The following GET1 variants were observed in gnomAD, a reference collection of about 807,000 sequenced individuals.
GET1 encodes guided entry of tail-anchored proteins factor 1, also known as congenital heart disease 5 protein.
A neutral mutation model predicts 22.6 loss-of-function variants in GET1; 20 were observed. The observed-to-expected ratio is 0.89, with a 90% CI of 0.62 to 1.29. The LOEUF is 1.29. Among genes scored for constraint, GET1 ranks in the 50% most tolerant of loss-of-function variants. The pLI, the probability that GET1 is intolerant of heterozygous loss-of-function variation, is 0.00. For synonymous variants in GET1, 92 were observed against 83.8 expected, an observed-to-expected ratio of 1.10 and a Z score of -0.53; for missense variants, 209 against 219.9, an observed-to-expected ratio of 0.95 and a Z score of 0.31.
chr21:39,414,742 CTGTGTGTGTGTGTGTG>C lies in GET1; in HGVS notation c.*23+3827_*23+3842del, dbSNP rs66478742. Among the ~76,000 whole-genome samples the C allele has an allele frequency of 2.1e-3, 212 of 99,232 alleles. 1 individual carries two copies. Among genetic ancestry groups the C allele is most frequent in the African/African-American group, 8.9e-3 (202 of 22,736 alleles). 65.1% of individuals were successfully genotyped at this position (99,232 alleles called of 152,430 possible). A position where few individuals can be genotyped will look rare whatever the true frequency, so the allele number is the denominator to read the frequency against. ...TCTCTCTCTCTCTCTCTCTCTCTCT[CTGTGTGTGTGTGTGTG>C]TGTGTGTGTGTGTGTGTGTGTCTGT... On this transcript the variant is annotated intron_variant, in intron 1 of 1. Coordinates refer to the GET1 transcript ENST00000478273.
chr21:39,390,050 T>G (rs1213447803), intron 1 of GET1, among the ~76,000 whole-genome samples: 3 of 151,594 alleles, frequency 2.0e-5, no homozygotes, highest in South Asian at 4.2e-4. Context: ...GAGTTTTTTT[T>G]TTTTTTTTTT....
intron 4 of GET1, among the ~76,000 whole-genome samples, chr21:39,403,428 G>A (rs980372851): frequency 9.9e-5 from 15 of 152,088 alleles, no homozygotes; most frequent in Non-Finnish European, 1.5e-4. Flanking sequence ...CCGGGTTCAC[G>A]CCATTCTCCC....
At chr21:39,390,552 C>T (rs556815442) in intron 1 of GET1, 146 bp from the exon 2 acceptor site, 131 of 1,041,358 alleles carry the variant, frequency 1.3e-4, no homozygotes, top group East Asian at 5.3e-4. Flanking sequence ...CGTTCACGGC[C>T]GCAGTTTGCA....
intron 1 of GET1, chr21:39,380,773 C>T: frequency 8.9e-7 from 1 of 1,120,706 alleles, no homozygotes; most frequent in Non-Finnish European, 1.1e-6. Flanking sequence ...TCCTAGTGCC[C>T]CGCTGTCAGC....
intron 1 of GET1, chr21:39,422,909 G>C (rs775909750): frequency 4.9e-6 from 7 of 1,433,938 alleles, no homozygotes; most frequent in Non-Finnish European, 1.9e-6. Flanking sequence ...GCGCATCCAT[G>C]ATTAATTCAC....
chr21:39,409,017 A>AT (rs146469562), downstream of GET1, among the ~76,000 whole-genome samples: 4 of 152,274 alleles, frequency 2.6e-5, no homozygotes, highest in Non-Finnish European at 5.9e-5. The surrounding 1 kb of genome is among the most constrained non-coding windows in gnomAD (Gnocchi z 4.2). Context: ...CCCAAATTTC[A>AT]TATGTTGAAG....
At chr21:39,392,293 T>G (rs539962222) in intron 3 of GET1, among the ~76,000 whole-genome samples, 109 of 152,318 alleles carry the variant, frequency 7.2e-4, no homozygotes, top group African/African-American at 2.5e-3. Context: ...TGCCTGGGGC[T>G]TAACCCTCAT....
At chr21:39,416,158 T>C (rs979561664) in intron 1 of GET1, among the ~76,000 whole-genome samples, 13 of 152,208 alleles carry the variant, frequency 8.5e-5, no homozygotes, top group African/African-American at 2.9e-4. Flanking sequence ...TGAGGAGTCG[T>C]TCATACAGGG....
At chr21:39,401,150 A>C (rs902430508), downstream of GET1, among the ~76,000 whole-genome samples, 2 of 152,128 alleles carry the variant, frequency 1.3e-5, no homozygotes, top group Admixed American at 1.3e-4. Flanking sequence ...CCTGGACTCA[A>C]GTAATCCTCC....
At chr21:39,383,022 C>T (rs1400381658) in intron 1 of GET1, among the ~76,000 whole-genome samples, 1 of 151,960 alleles carries the variant, frequency 6.6e-6, no homozygotes, top group Non-Finnish European at 1.5e-5. Flanking sequence ...GCAGTCTCGG[C>T]TCACTGCAAG....
intron 1 of GET1, among the ~76,000 whole-genome samples, chr21:39,421,209 T>C (rs2042255761): frequency 6.6e-6 from 1 of 151,870 alleles, no homozygotes; most frequent in South Asian, 2.1e-4. Flanking sequence ...TTCAAACGAT[T>C]CTCCTGCCTC....
At chr21:39,422,843 A>C (rs2073995644) in intron 1 of GET1, 7 of 831,638 alleles carry the variant, frequency 8.4e-6, no homozygotes, top group African/African-American at 1.7e-5. Flanking sequence ...AGACAACATA[A>C]TTATTTAGTG....
chr21:39,421,653 G>A (rs1282169709), intron 1 of GET1: 1 of 152,122 alleles, frequency 6.6e-6, no homozygotes, highest in Non-Finnish European at 1.5e-5. Context: ...ACTTTTCTTT[G>A]TTTTAACATA....
downstream of GET1, chr21:39,406,697 C>T: frequency 1.0e-6 from 1 of 1,002,846 alleles, no homozygotes; most frequent in Non-Finnish European, 1.5e-6. Flanking sequence ...CACTTACGTG[C>T]ACCGCCTCAC....
At chr21:39,384,933 C>T (rs928759489) in intron 1 of GET1, among the ~76,000 whole-genome samples, 1 of 152,068 alleles carries the variant, frequency 6.6e-6, no homozygotes, top group African/African-American at 2.4e-5. Flanking sequence ...TAATTATTAT[C>T]CCAGCAGAGT....
intron 1 of GET1, among the ~76,000 whole-genome samples, chr21:39,389,519 G>A (rs1003706955): frequency 2.4e-4 from 36 of 152,288 alleles, no homozygotes; most frequent in African/African-American, 7.9e-4. Context: ...TTATTTCTGT[G>A]ATCACCCTTT....
chr21:39,412,918 T>G (rs1239317848), intron 1 of GET1, among the ~76,000 whole-genome samples: 1 of 152,154 alleles, frequency 6.6e-6, no homozygotes, highest in East Asian at 1.9e-4. Context: ...GTGGGACCTG[T>G]GGAGGGAGCT....
At chr21:39,403,798 T>C (rs1198438476) in intron 4 of GET1, among the ~76,000 whole-genome samples, 1 of 151,290 alleles carries the variant, frequency 6.6e-6, no homozygotes, top group African/African-American at 2.4e-5. Flanking sequence ...ATTTTTGTAT[T>C]TTTAGTAGAG....
chr21:39,392,913 C>T (rs979663917), intron 3 of GET1: 6 of 418,728 alleles, frequency 1.4e-5, no homozygotes, highest in African/African-American at 4.0e-5. Flanking sequence ...TAGGAAGGCT[C>T]GCCTACTTGT....
Sources: allele counts gnomAD v4.1 joint callset (sites outside exome capture counted in the v4.1 genomes callset), GRCh38; gene constraint gnomAD v4.1.1; non-coding constraint Gnocchi (gnomAD v3.1); transcripts MANE v1.5; gene names NCBI Gene and HGNC (gene_info 2026-07-23, HGNC 2026-07-21).